Variants in NTM observed in about 807,000 individuals in gnomAD.
The protein encoded by NTM is neurotrimin.
In NTM, 13 loss-of-function variants were observed where a neutral mutation model predicts 42.1. That is an observed-to-expected ratio of 0.31 (90% CI 0.20 to 0.49). The LOEUF is 0.49. NTM is among the 20% of genes least tolerant of loss of function. The probability of loss-of-function intolerance (pLI) is 0.99; values close to 1 mark genes in which losing one functional copy is unlikely to be tolerated. For synonymous variants in NTM, 187 were observed against 179.2 expected (o/e 1.04, Z -0.35); for missense variants, 373 against 452.8 (o/e 0.82, Z 1.60).
At chr11:132,028,910 A>G (rs1463852182) in intron 2 of NTM, among the ~76,000 whole-genome samples, 2 of 152,112 alleles carry the variant, frequency 1.3e-5, no homozygotes, top group Non-Finnish European at 2.9e-5. Context: ...TAGGGCTCCT[A>G]TTGAAGTGTG....
At chr11:132,232,080 A>G (rs957395911) in intron 4 of NTM, among the ~76,000 whole-genome samples, 3 of 152,080 alleles carry the variant, frequency 2.0e-5, no homozygotes, top group African/African-American at 7.2e-5. Context: ...GGAATTAAAA[A>G]CTTCACGTTG....
At chr11:131,753,658 T>C (rs1320529709) in intron 1 of NTM, among the ~76,000 whole-genome samples, 1 of 150,552 alleles carries the variant, frequency 6.6e-6, no homozygotes, top group African/African-American at 2.5e-5. Context: ...AACCAAACAC[T>C]GCATATTCTC....
intron 7 of NTM, among the ~76,000 whole-genome samples, chr11:132,329,495 G>C (rs2095756126): frequency 1.3e-5 from 2 of 152,218 alleles, no homozygotes; most frequent in Non-Finnish European, 2.9e-5. Context: ...GTGTGGGTCA[G>C]AGCCGCAGGC....
chr11:132,042,993 CCT>C (rs2077407684), intron 2 of NTM, among the ~76,000 whole-genome samples: 1 of 152,058 alleles, frequency 6.6e-6, no homozygotes, highest in African/African-American at 2.4e-5. Context: ...TTGATTTATG[CCT>C]CTGTTACATA....
chr11:132,215,662 T>C (rs114512356), intron 4 of NTM, among the ~76,000 whole-genome samples: 36 of 152,294 alleles, frequency 2.4e-4, no homozygotes, highest in African/African-American at 8.4e-4. Flanking sequence ...GGCACTTCCA[T>C]TGATTGTTTG....
chr11:131,511,189 A>G (rs967803768), intron 1 of NTM, among the ~76,000 whole-genome samples: 2 of 152,180 alleles, frequency 1.3e-5, no homozygotes, highest in African/African-American at 4.8e-5. Flanking sequence ...TACACCACAT[A>G]CAGAGGCATC....
intron 2 of NTM, among the ~76,000 whole-genome samples, chr11:131,918,228 G>A (rs1380222751): frequency 6.6e-6 from 1 of 152,116 alleles, no homozygotes; most frequent in Non-Finnish European, 1.5e-5. Flanking sequence ...CTCACTTGGG[G>A]CTATGCATGC....
At chr11:132,326,178 T>G (rs1479935695) in intron 7 of NTM, among the ~76,000 whole-genome samples, 1 of 151,510 alleles carries the variant, frequency 6.6e-6, no homozygotes, top group Non-Finnish European at 1.5e-5. Context: ...AATAATAAAA[T>G]AAAAAATAAA....
intron 2 of NTM, among the ~76,000 whole-genome samples, chr11:132,064,361 A>G (rs186466776): frequency 4.6e-5 from 7 of 152,288 alleles, no homozygotes; most frequent in Non-Finnish European, 7.4e-5. Flanking sequence ...ACATATATAT[A>G]TGTGTATTTG....
chr11:131,948,224 G>A (rs1295576580), intron 2 of NTM, among the ~76,000 whole-genome samples: 1 of 151,942 alleles, frequency 6.6e-6, no homozygotes, highest in Non-Finnish European at 1.5e-5. Flanking sequence ...AATTAGCCAG[G>A]CGTGGTGGTG....
At chr11:131,934,269 G>C (rs1304081312) in intron 2 of NTM, among the ~76,000 whole-genome samples, 1 of 152,130 alleles carries the variant, frequency 6.6e-6, no homozygotes, top group Admixed American at 6.5e-5. Flanking sequence ...TTATTCCCTA[G>C]AGCGTATCAC....
chr11:131,593,402 G>T (rs1565678359), intron 1 of NTM, among the ~76,000 whole-genome samples: 1 of 152,178 alleles, frequency 6.6e-6, no homozygotes, highest in Non-Finnish European at 1.5e-5. Flanking sequence ...CAGGCTGCTG[G>T]CTGGGACTTC....
At chr11:131,596,703 C>T (rs984313585) in intron 1 of NTM, among the ~76,000 whole-genome samples, 1 of 152,230 alleles carries the variant, frequency 6.6e-6, no homozygotes, top group African/African-American at 2.4e-5. Context: ...TGTCTGGAGC[C>T]CTGTACTCCA....
At chr11:132,110,821 G>A (rs1247997746) in intron 2 of NTM, among the ~76,000 whole-genome samples, 1 of 151,802 alleles carries the variant, frequency 6.6e-6, no homozygotes, top group African/African-American at 2.4e-5. Flanking sequence ...GATCACTTGA[G>A]CTCAGATGTT....
chr11:131,520,257 TAAAG>T (rs915787164), intron 1 of NTM, among the ~76,000 whole-genome samples: 1 of 152,232 alleles, frequency 6.6e-6, no homozygotes, highest in African/African-American at 2.4e-5. Context: ...AGGTGCTTTA[TAAAG>T]ATTCTTTTAA....
At chr11:132,215,689 T>G (rs2138742652) in intron 4 of NTM, among the ~76,000 whole-genome samples, 1 of 152,332 alleles carries the variant, frequency 6.6e-6, no homozygotes, top group East Asian at 1.9e-4. Context: ...TTCCGTATAT[T>G]ATTATGGGCA....
At chr11:131,505,092 T>C (rs759894870) in intron 1 of NTM, among the ~76,000 whole-genome samples, 1 of 134,818 alleles carries the variant, frequency 7.4e-6, no homozygotes, top group African/African-American at 2.8e-5. Context: ...TACTTGACCA[T>C]TGGGAAGTCA....
At chr11:131,966,436 T>C (rs1179267110) in intron 2 of NTM, among the ~76,000 whole-genome samples, 1 of 152,054 alleles carries the variant, frequency 6.6e-6, no homozygotes, top group Non-Finnish European at 1.5e-5. Context: ...CACATGCTAT[T>C]GGGTAGGGGA....
intron 1 of NTM, among the ~76,000 whole-genome samples, chr11:131,500,617 G>T (rs1251022476): frequency 5.7e-5 from 8 of 140,918 alleles, no homozygotes; most frequent in African/African-American, 1.0e-4. Flanking sequence ...TAAGTTCTAG[G>T]GTACATGGGC....
Sources: gnomAD v4.1 joint callset for allele counts (sites outside exome capture counted in the v4.1 genomes callset) on GRCh38, gnomAD v4.1.1 for gene constraint, MANE v1.5 for transcripts, NCBI Gene and HGNC (gene_info 2026-07-23, HGNC 2026-07-21) for gene names.